BMPER: variants seen among roughly 807,000 people sequenced by gnomAD.
The protein encoded by BMPER is BMP binding endothelial regulator, also known as BMP-binding endothelial regulator protein.
In BMPER, 45 loss-of-function variants were observed where a neutral mutation model predicts 87.3. That is an observed-to-expected ratio of 0.52 (90% CI 0.41 to 0.66). The LOEUF (loss-of-function observed/expected upper bound fraction) is 0.66, where lower values mean the gene tolerates loss of function less well. BMPER is among the 30% of genes least tolerant of loss of function. BMPER has a pLI of 0.00. For missense variants in BMPER, 784 were observed against 867.5 expected (o/e 0.90, Z 1.21); for synonymous variants, 326 against 316.2 (o/e 1.03, Z -0.33).
In BMPER at chr7:34,097,755, T is replaced by C. The variant is rs191780049; in HGVS notation, c.1745+11663T>C. Among the ~76,000 whole-genome samples, 62 of 152,248 alleles carry C rather than the reference T, an allele frequency of 4.1e-4. 2 individuals carry two copies. The highest frequency in any genetic ancestry group is 3.7e-3 in the Admixed American group (57 of 15,304). On this transcript the variant is annotated intron_variant, in intron 13 of 14. Coordinates refer to ENST00000649409, the MANE Select transcript of BMPER (RefSeq NM_001365308.1). ...ATGTGGGTGCCCAGATTCCTTTGGG[T>C]CACCAAGAGGACTTAATTTTCTGAG... is the stretch of plus-strand genomic sequence containing the variant.
At chr7:34,065,478 T>C (rs975950504) in intron 11 of BMPER, among the ~76,000 whole-genome samples, 6 of 152,118 alleles carry the variant, frequency 3.9e-5, no homozygotes, top group African/African-American at 1.4e-4. Context: ...TTACCCCTCA[T>C]TGGGTGCCAC....
At chr7:34,039,543 C>A (rs1049420996) in intron 6 of BMPER, among the ~76,000 whole-genome samples, 1 of 151,582 alleles carries the variant, frequency 6.6e-6, no homozygotes, top group Non-Finnish European at 1.5e-5. Context: ...AATCACCTGA[C>A]CCCAAATGTC....
chr7:34,030,398 T>A (rs970888067), intron 6 of BMPER, among the ~76,000 whole-genome samples: 1 of 152,116 alleles, frequency 6.6e-6, no homozygotes, highest in Non-Finnish European at 1.5e-5. Context: ...GTCAAATAAG[T>A]TTGAGAAACA....
intron 6 of BMPER, among the ~76,000 whole-genome samples, chr7:34,027,220 C>T (rs918653582): frequency 4.6e-5 from 7 of 152,078 alleles, no homozygotes; most frequent in Non-Finnish European, 8.8e-5. Context: ...AGGGGGTTCA[C>T]AAGGTAAAAA....
intron 13 of BMPER, among the ~76,000 whole-genome samples, chr7:34,116,056 A>G (rs1790110532): frequency 6.6e-6 from 1 of 152,214 alleles, no homozygotes; most frequent in South Asian, 2.1e-4. Context: ...TTTCTTGATG[A>G]CCAATGATGT....
At chr7:33,918,647 G>A (rs1784141720) in intron 2 of BMPER, among the ~76,000 whole-genome samples, 1 of 152,212 alleles carries the variant, frequency 6.6e-6, no homozygotes, top group Admixed American at 6.5e-5. Context: ...CTCTCACTTG[G>A]GAGCCGCTAT....
rs1396367447 is a variant in BMPER, at chr7:33,970,314, T to C, written c.403-15T>C. ...AATTCTGGGCTGACTTTGCTTGTTT[T>C]GTTCTGTGTTTCAGGAGGGCGTTGT... On this transcript the variant is annotated splice_polypyrimidine_tract_variant and intron_variant, in intron 4 of 14. Coordinates refer to ENST00000649409, the MANE Select transcript of BMPER (RefSeq NM_001365308.1). 1.9e-6 allele frequency: 3 copies of C among 1,611,602 alleles called. No homozygotes were observed. The South Asian group carries it at 3.3e-5, about 18-fold the overall frequency.
intron 5 of BMPER, among the ~76,000 whole-genome samples, chr7:33,974,370 C>G (rs535243527): frequency 6.6e-6 from 1 of 152,062 alleles, no homozygotes. Context: ...CTCCTCTGGC[C>G]CCCCTGGGTT....
At chr7:33,933,387 G>A (rs747664) in intron 2 of BMPER, among the ~76,000 whole-genome samples, 2,157 of 152,044 alleles carry the variant, frequency 0.014, 68 homozygotes, top group East Asian at 0.13. Context: ...GGGACACACG[G>A]GAGACTAAGA....
chr7:34,145,171 C>A (rs1380637674), intron 14 of BMPER, among the ~76,000 whole-genome samples: 1 of 152,170 alleles, frequency 6.6e-6, no homozygotes, highest in African/African-American at 2.4e-5. Context: ...AGTGTTGAAA[C>A]CCCTGAGTTA....
chr7:34,143,281 C>A lies in BMPER; in HGVS notation c.1797C>A (p.Cys599Ter). 1.2e-6 allele frequency: 2 copies of A among 1,613,978 alleles called. No homozygotes were observed. The highest frequency in any genetic ancestry group is 1.1e-5 in the South Asian group (1 of 91,082). The change falls in exon 14 of 15, where the codon TGC becomes TGA. Residue 599 changes from cysteine to a stop codon, truncating the protein, a stop_gained. Coordinates refer to ENST00000649409, the MANE Select transcript of BMPER (RefSeq NM_001365308.1). LOFTEE classifies it high-confidence loss of function. ...GTCCAGTCCATAAAAACTGTTATTG[C>A]GAGTCATTTTTGGCATATACCCGGG... ...CECPVHKNCYCESFLAYTRAC... is the reference protein window; with the variant it reads ...CECPVHKNCY
At chr7:34,140,334 A>G (rs1343111650) in intron 13 of BMPER, among the ~76,000 whole-genome samples, 1 of 152,234 alleles carries the variant, frequency 6.6e-6, no homozygotes, top group Non-Finnish European at 1.5e-5. Flanking sequence ...TCATTATTTT[A>G]TGTAAAAATC....
intron 6 of BMPER, among the ~76,000 whole-genome samples, chr7:34,024,376 AAAAAAACAATATATATATAT>A (rs1787287275): frequency 1.0e-5 from 1 of 97,280 alleles, no homozygotes; most frequent in African/African-American, 5.2e-5. Flanking sequence ...AAAAAAAAAA[AAAAAAACAATATATATATAT>A]ATATATATAT....
chr7:34,113,132 A>T (rs1402340931), intron 13 of BMPER, among the ~76,000 whole-genome samples: 2 of 151,894 alleles, frequency 1.3e-5, no homozygotes, highest in African/African-American at 4.8e-5. Flanking sequence ...ACAATAAAAA[A>T]CTCAAAAAGA....
rs547924629 is a variant in BMPER at position 33,939,116 on chromosome 7, C to T, written c.319+1728C>T. ...ATGCATTTACCGTACTGCATGTCAA[C>T]GTCTCTCAGGTAATAGAAGTATTAC... On this transcript the variant is annotated intron_variant, in intron 3 of 14. Coordinates refer to ENST00000649409, the MANE Select transcript of BMPER (RefSeq NM_001365308.1). Among the ~76,000 whole-genome samples the T allele has an allele frequency of 5.3e-5, 8 of 152,282 alleles. No individual in the cohort carries two copies. The South Asian group carries it at 1.5e-3, about 28-fold the overall frequency.
intron 11 of BMPER, among the ~76,000 whole-genome samples, chr7:34,070,285 A>G (rs1188030389): frequency 1.3e-5 from 2 of 152,012 alleles, no homozygotes; most frequent in Non-Finnish European, 2.9e-5. Flanking sequence ...GCTGTTTCCA[A>G]TCCCTGTTTG....
At chr7:34,000,448 C>T (rs1056337624) in intron 6 of BMPER, among the ~76,000 whole-genome samples, 5 of 151,722 alleles carry the variant, frequency 3.3e-5, no homozygotes, top group Admixed American at 1.3e-4. Context: ...TATTAAATTT[C>T]CTAGTGTGTA....
chr7:34,110,639 G>T (rs1289882930), intron 13 of BMPER, among the ~76,000 whole-genome samples: 7 of 152,180 alleles, frequency 4.6e-5, no homozygotes, highest in Non-Finnish European at 1.0e-4. Flanking sequence ...AGGATGGAAA[G>T]GTTTAGTTGT....
intron 6 of BMPER, among the ~76,000 whole-genome samples, chr7:34,027,988 A>C (rs569800193): frequency 6.6e-6 from 1 of 152,238 alleles, no homozygotes; most frequent in East Asian, 1.9e-4. Flanking sequence ...ATATCCACTC[A>C]AAGTACAAGA....
Sources: allele counts gnomAD v4.1 joint callset (sites outside exome capture counted in the v4.1 genomes callset), GRCh38; gene constraint gnomAD v4.1.1; transcripts MANE v1.5; gene names NCBI Gene and HGNC (gene_info 2026-07-23, HGNC 2026-07-21).